Variants in MEGF9 observed in about 807,000 individuals in gnomAD.
MEGF9 encodes the protein multiple EGF like domains 9.
In MEGF9, 6 loss-of-function variants were observed where a neutral mutation model predicts 46.8. That is an observed-to-expected ratio of 0.13 (90% CI 0.07 to 0.25). The LOEUF (loss-of-function observed/expected upper bound fraction) is 0.25. MEGF9 is among the 10% of genes least tolerant of loss of function. The pLI is 1.00. For missense variants in MEGF9, 683 were observed against 792.4 expected (o/e 0.86, Z 1.66); for synonymous variants, 302 against 330.7 (o/e 0.91, Z 0.94).
At chr9:120,608,329 C>T (rs991659736) in intron 4 of MEGF9, among the ~76,000 whole-genome samples, 5 of 152,102 alleles carry the variant, frequency 3.3e-5, no homozygotes, top group African/African-American at 1.2e-4. Context: ...ATCCAGAGAA[C>T]CTATTCATGT....
chr9:120,630,144 A>G (rs1042769751), intron 2 of MEGF9, among the ~76,000 whole-genome samples: 1 of 152,130 alleles, frequency 6.6e-6, no homozygotes, highest in African/African-American at 2.4e-5. Context: ...GCCTATATGT[A>G]TACTTTCATA....
rs146110869 is a variant in MEGF9, at chr9:120,630,152, A to G, written c.804-7397T>C. Among the ~76,000 whole-genome samples, 267 of 152,226 alleles carry G rather than the reference A, an allele frequency of 1.8e-3. 1 individual carries two copies. Among genetic ancestry groups the G allele is most frequent in the African/African-American group, 6.0e-3 (251 of 41,534 alleles). On this transcript the variant is annotated intron_variant, in intron 2 of 5. Transcript: ENST00000373930. ...ATACAAAGCCTATATGTATACTTTCATATCTGTTAACCAACCTTTGGCTAT... is the reference window on the plus strand; with the variant it reads ...ATACAAAGCCTATATGTATACTTTCGTATCTGTTAACCAACCTTTGGCTAT...
intron 1 of MEGF9, among the ~76,000 whole-genome samples, chr9:120,671,286 T>G (rs1035203222): frequency 6.6e-6 from 1 of 152,124 alleles, no homozygotes; most frequent in East Asian, 1.9e-4. Context: ...TCTCAGCTAC[T>G]CCAGTCATCC....
intron 2 of MEGF9, among the ~76,000 whole-genome samples, chr9:120,626,101 G>A (rs1263034306): frequency 2.6e-5 from 4 of 152,096 alleles, no homozygotes; most frequent in African/African-American, 9.7e-5. Flanking sequence ...CTTCATAACT[G>A]GAGAATAAAT....
In MEGF9 at chr9:120,658,109, C is replaced by T. The variant is rs12238128; in HGVS notation, c.803+1265G>A. Among the ~76,000 whole-genome samples, 813 of 152,032 alleles carry T rather than the reference C, an allele frequency of 5.3e-3. 9 individuals carry two copies. In the East Asian group the frequency reaches 0.054, roughly 10 times the overall value. ...AACCGATTCTCCTGCCTCAGCCTCC[C>T]GAGTAGCTGGGACTACAGGTGTGTG... On this transcript the variant is annotated intron_variant, in intron 2 of 5. Transcript: ENST00000373930.
At chr9:120,701,811 A>G (rs559231374) in intron 1 of MEGF9, among the ~76,000 whole-genome samples, 3 of 152,244 alleles carry the variant, frequency 2.0e-5, no homozygotes, top group East Asian at 1.9e-4. Context: ...TTGGGAGGCC[A>G]AGGCGGGCGG....
Position 120,605,415 on chromosome 9 carries a change from T to G in MEGF9, c.1584A>C (p.Leu528=). 2 of 1,614,008 alleles carry G rather than the reference T, an allele frequency of 1.2e-6. No individual in the cohort carries two copies. The highest frequency in any genetic ancestry group is 2.2e-5 in the East Asian group (1 of 44,890). The change falls in exon 6 of 6, where the codon CTA becomes CTC. Residue 528 remains leucine, a synonymous_variant. Coordinates refer to ENST00000373930, the MANE Select transcript of MEGF9 (RefSeq NM_001080497.3). The surrounding 1 kb of genome is among the most constrained non-coding windows in gnomAD (Gnocchi z 4.0). ...TATATACAGCCCCCACAAATCCCAT[T>G]AGCAGCACCACAACAATGATGATGA... ...LTVIIIVVVL[L]MGFVGAVYMY...
At chr9:120,639,203 G>C (rs542920596) in intron 2 of MEGF9, among the ~76,000 whole-genome samples, 1 of 151,912 alleles carries the variant, frequency 6.6e-6, no homozygotes, top group South Asian at 2.1e-4. Flanking sequence ...GTATTTTAGT[G>C]AAATAGTTAA....
intron 4 of MEGF9, among the ~76,000 whole-genome samples, chr9:120,611,512 C>T (rs1184674103): frequency 6.6e-6 from 1 of 152,068 alleles, no homozygotes; most frequent in South Asian, 2.1e-4. Context: ...TATTGAATGA[C>T]TTCATTTGTA....
At chr9:120,615,042 C>G (rs2043465098) in intron 3 of MEGF9, among the ~76,000 whole-genome samples, 1 of 151,662 alleles carries the variant, frequency 6.6e-6, no homozygotes, top group Admixed American at 6.6e-5. Flanking sequence ...GAGTTCGAGA[C>G]CAGCCTGACC....
chr9:120,672,063 G>A (rs1042073714), intron 1 of MEGF9, among the ~76,000 whole-genome samples: 4 of 152,182 alleles, frequency 2.6e-5, no homozygotes, highest in African/African-American at 7.2e-5. Flanking sequence ...ATTCATGGGA[G>A]AAGTGCCCAG....
chr9:120,673,126 T>C (rs140191624), intron 1 of MEGF9, among the ~76,000 whole-genome samples: 1,608 of 152,334 alleles, frequency 0.011, 30 homozygotes, highest in African/African-American at 0.034. Context: ...AAAATTTTAA[T>C]ACCACTTAGA....
rs960070827 is a variant in MEGF9, at chr9:120,601,858, T to C, written c.*3332A>G. ...AGGGCACCTAACCATCAGAAATGCA[T>C]AGGCGCTTACCAAAATGAATTAATG... On this transcript the variant is annotated 3_prime_UTR_variant, in exon 6 of 6. Transcript: ENST00000373930. 2.0e-5 allele frequency: 3 copies of C among 152,178 alleles called. No individual in the cohort carries two copies. The highest frequency in any genetic ancestry group is 4.4e-5 in the Non-Finnish European group (3 of 68,054). 9.4% of individuals were successfully genotyped at this position (152,178 alleles called of 1,614,324 possible). A position where few individuals can be genotyped will look rare whatever the true frequency, so the allele number is the denominator to read the frequency against.
rs961307308 is a variant in MEGF9, at chr9:120,605,013, T to A, written c.*177A>T. 6 of 631,168 alleles carry A rather than the reference T, an allele frequency of 9.5e-6. No individual in the cohort carries two copies. The highest frequency in any genetic ancestry group is 7.3e-5 in the African/African-American group (4 of 54,530). The allele number at this position is 631,168 out of a possible 1,614,324, so 39.1% of individuals were successfully genotyped here. On this transcript the variant is annotated 3_prime_UTR_variant, in exon 6 of 6. Transcript: ENST00000373930. The surrounding 1 kb of genome is among the most constrained non-coding windows in gnomAD (Gnocchi z 4.0). Reference sequence around the variant, plus strand: ...TGACAGTGAACGCTTCAGATCTTCATGGGAAAACTAAGAGCAATAGATAGG... The same window carrying A: ...TGACAGTGAACGCTTCAGATCTTCAAGGGAAAACTAAGAGCAATAGATAGG...
chr9:120,611,391 C>T (rs1182205262), intron 4 of MEGF9, among the ~76,000 whole-genome samples: 1 of 151,914 alleles, frequency 6.6e-6, no homozygotes, highest in Non-Finnish European at 1.5e-5. Context: ...GGGTATAACA[C>T]AATAATATAT....
intron 1 of MEGF9, among the ~76,000 whole-genome samples, chr9:120,675,978 T>C (rs2043771923): frequency 6.6e-6 from 1 of 151,536 alleles, no homozygotes; most frequent in African/African-American, 2.4e-5. Context: ...GCTTCACTAA[T>C]GTATTATCCT....
At chr9:120,712,013 T>A (rs2043956326) in intron 1 of MEGF9, among the ~76,000 whole-genome samples, 1 of 152,098 alleles carries the variant, frequency 6.6e-6, no homozygotes, top group East Asian at 1.9e-4. Context: ...TCCTAGAACT[T>A]TGGGAGGCCG....
chr9:120,663,199 T>G (rs1349632672), intron 1 of MEGF9, among the ~76,000 whole-genome samples: 1 of 152,160 alleles, frequency 6.6e-6, no homozygotes, highest in African/African-American at 2.4e-5. Context: ...GAATACAAAG[T>G]AAACCAAGTG....
At chr9:120,647,542 A>C (rs2043631091) in intron 2 of MEGF9, among the ~76,000 whole-genome samples, 1 of 152,188 alleles carries the variant, frequency 6.6e-6, no homozygotes, top group African/African-American at 2.4e-5. Context: ...ACTTTCACGG[A>C]AAAAAATATT....
Sources: allele counts gnomAD v4.1 joint callset (sites outside exome capture counted in the v4.1 genomes callset), GRCh38; gene constraint gnomAD v4.1.1; non-coding constraint Gnocchi (gnomAD v3.1); transcripts MANE v1.5; gene names NCBI Gene and HGNC (gene_info 2026-07-23, HGNC 2026-07-21).